GDPD5: variants seen among roughly 807,000 people sequenced by gnomAD.
GDPD5 encodes glycerophosphodiester phosphodiesterase domain containing 5.
In GDPD5, 48 loss-of-function variants were observed where a neutral mutation model predicts 75.1. The observed-to-expected ratio is 0.64, with a 90% CI of 0.51 to 0.81. GDPD5 has a LOEUF of 0.81. Ranked by LOEUF, GDPD5 falls within the 40% of genes least tolerant of loss-of-function variation. The pLI is 0.00. For synonymous variants in GDPD5, 336 were observed against 339.0 expected (o/e 0.99, Z 0.10); for missense variants, 706 against 822.6 (o/e 0.86, Z 1.73).
chr11:75,436,402 C>T (rs1470401106), intron 16 of GDPD5, among the ~76,000 whole-genome samples: 1 of 152,158 alleles, frequency 6.6e-6, no homozygotes, highest in East Asian at 1.9e-4. Flanking sequence ...TCCTCTGCAT[C>T]CTCCCCATCT....
chr11:75,459,690 G>A (rs1162931691), intron 4 of GDPD5, among the ~76,000 whole-genome samples: 3 of 151,766 alleles, frequency 2.0e-5, no homozygotes, highest in African/African-American at 7.3e-5. Flanking sequence ...GACACCTGTA[G>A]TTCCAGCTAC....
intron 4 of GDPD5, among the ~76,000 whole-genome samples, chr11:75,461,258 C>T (rs1308483620): frequency 6.6e-6 from 1 of 152,124 alleles, no homozygotes; most frequent in Non-Finnish European, 1.5e-5. Flanking sequence ...CAGTAGGGAA[C>T]GTTCCCATTT....
At chr11:75,448,589 A>C (rs1949048136) in intron 9 of GDPD5, 1 of 1,008,174 alleles carries the variant, frequency 9.9e-7, no homozygotes, top group Non-Finnish European at 1.2e-6. Flanking sequence ...GTTCAGCCGT[A>C]CTCACTGTCA....
intron 2 of GDPD5, among the ~76,000 whole-genome samples, chr11:75,483,717 A>G (rs1021860509): frequency 3.9e-5 from 6 of 152,246 alleles, no homozygotes; most frequent in South Asian, 2.1e-4. Flanking sequence ...TGAATCTTGA[A>G]GACGTCATGC....
At position 75,449,626 on chromosome 11, in the gene GDPD5, G is replaced by C. The variant is rs1184672652; in HGVS notation, c.475-16C>G. 1.3e-6 allele frequency: 2 copies of C among 1,564,926 alleles called. No homozygotes were observed. Among genetic ancestry groups the C allele is most frequent in the Admixed American group, 1.9e-5 (1 of 52,004 alleles). On this transcript the variant is annotated splice_polypyrimidine_tract_variant and intron_variant, in intron 7 of 16. Transcript: ENST00000336898. ...GCGCTGTGCCCTGTTTGCAGGGAGA[G>C]GGAAGGGAGACCAGTAACGCCCAGC...
chr11:75,467,648 C>T (rs901202709), intron 3 of GDPD5, among the ~76,000 whole-genome samples: 3 of 152,072 alleles, frequency 2.0e-5, no homozygotes, highest in South Asian at 4.1e-4. Flanking sequence ...CCAGACAGGG[C>T]GAGCAGCTGG....
chr11:75,459,796 C>T (rs184808664), intron 4 of GDPD5, among the ~76,000 whole-genome samples: 37 of 138,980 alleles, frequency 2.7e-4, no homozygotes, highest in East Asian at 6.3e-4. Flanking sequence ...GGTGACAGAG[C>T]GAGACTGTCT....
chr11:75,486,097 C>T (rs1375460266), intron 2 of GDPD5, among the ~76,000 whole-genome samples: 2 of 152,160 alleles, frequency 1.3e-5, no homozygotes, highest in Admixed American at 1.3e-4. Flanking sequence ...GGTTTGAGCA[C>T]CCTTGGCTGA....
intron 1 of GDPD5, among the ~76,000 whole-genome samples, chr11:75,513,560 GTAAAGT>G (rs2135492394): frequency 6.6e-6 from 1 of 152,246 alleles, no homozygotes; most frequent in Admixed American, 6.5e-5. Context: ...AGAGCGCTTC[GTAAAGT>G]TAAACTGTCA....
intron 1 of GDPD5, among the ~76,000 whole-genome samples, chr11:75,523,552 A>G (rs2135524602): frequency 6.6e-6 from 1 of 152,342 alleles, no homozygotes; most frequent in East Asian, 1.9e-4. Context: ...CAGGTAACAC[A>G]CAGCCTGCCA....
At position 75,439,970 on chromosome 11, in the gene GDPD5, A is replaced by G; in HGVS notation, c.1474-9T>C. ...CAGTACTCGTCCGGGGGCTGTGGACAGACGGCCCGAGGCCAACTTCCAGTC... is the reference window on the plus strand; with the variant it reads ...CAGTACTCGTCCGGGGGCTGTGGACGGACGGCCCGAGGCCAACTTCCAGTC... On this transcript the variant is annotated splice_polypyrimidine_tract_variant and intron_variant, in intron 14 of 16. Coordinates refer to ENST00000336898, the MANE Select transcript of GDPD5 (RefSeq NM_030792.8). 2 of 1,608,434 alleles carry G rather than the reference A, an allele frequency of 1.2e-6. No homozygotes were observed. Among genetic ancestry groups the G allele is most frequent in the East Asian group, 2.2e-5 (1 of 44,718 alleles).
At chr11:75,506,271 C>A (rs575415997) in intron 1 of GDPD5, among the ~76,000 whole-genome samples, 139 of 152,340 alleles carry the variant, frequency 9.1e-4, no homozygotes, top group Non-Finnish European at 1.5e-3. Flanking sequence ...ACACTCCCCC[C>A]AGGAACACTG....
At chr11:75,491,611 G>A (rs1237601383) in intron 1 of GDPD5, among the ~76,000 whole-genome samples, 1 of 151,368 alleles carries the variant, frequency 6.6e-6, no homozygotes, top group Non-Finnish European at 1.5e-5. Flanking sequence ...AAGAGCATGG[G>A]ACCTGGAGTC....
intron 3 of GDPD5, among the ~76,000 whole-genome samples, chr11:75,471,991 C>G (rs1949677360): frequency 2.6e-5 from 4 of 152,196 alleles, no homozygotes. Flanking sequence ...TCTCTCACCC[C>G]TGCCGGGTCT....
chr11:75,485,510 T>TAA (rs370739770), intron 2 of GDPD5: 1 of 143,488 alleles, frequency 7.0e-6, no homozygotes, highest in East Asian at 2.1e-4. Flanking sequence ...GTGTATTAAA[T>TAA]ACACACACAC....
chr11:75,441,995 TTCGCTTCTGGCCTGCTG>T (rs1365389402), intron 12 of GDPD5, among the ~76,000 whole-genome samples, 192 bp from the exon 13 acceptor site: 3 of 152,162 alleles, frequency 2.0e-5, no homozygotes, highest in Admixed American at 1.3e-4. Context: ...CTCAGGAAAC[TTCGCTTCTGGCCTGCTG>T]TCAGTACGGG....
chr11:75,493,614 G>A (rs183762125), intron 1 of GDPD5, among the ~76,000 whole-genome samples: 4 of 152,202 alleles, frequency 2.6e-5, no homozygotes, highest in Non-Finnish European at 4.4e-5. Context: ...TTAAGATGCT[G>A]TGAAGGTCTA....
intron 1 of GDPD5, among the ~76,000 whole-genome samples, chr11:75,509,833 CCAAG>C (rs1950478215): frequency 1.3e-5 from 2 of 152,220 alleles, no homozygotes; most frequent in Non-Finnish European, 2.9e-5. Flanking sequence ...GCACGCACCA[CCAAG>C]CCCGGCTAAT....
chr11:75,457,170 C>T (rs556828263), intron 5 of GDPD5, among the ~76,000 whole-genome samples: 1 of 152,370 alleles, frequency 6.6e-6, no homozygotes, highest in South Asian at 2.1e-4. Context: ...CCCCAAGGAG[C>T]CCCCAGTCCA....
Sources: allele counts gnomAD v4.1 joint callset (sites outside exome capture counted in the v4.1 genomes callset), GRCh38; gene constraint gnomAD v4.1.1; transcripts MANE v1.5; gene names NCBI Gene and HGNC (gene_info 2026-07-23, HGNC 2026-07-21).